The following CCDC172 variants were observed in gnomAD, a reference collection of about 807,000 sequenced individuals.
The protein encoded by CCDC172 is coiled-coil domain containing 172.
In CCDC172, 30 loss-of-function variants were observed where a neutral mutation model predicts 38.0. The ratio of observed to expected loss-of-function variants is 0.79; its 90% CI spans 0.59 to 1.07. The LOEUF is 1.07. Ranked by LOEUF, CCDC172 falls within the 50% of genes least tolerant of loss-of-function variation. CCDC172 has a pLI of 0.00. For missense variants in CCDC172, 297 were observed against 290.1 expected (o/e 1.02, Z -0.17); for synonymous variants, 78 against 88.3 (o/e 0.88, Z 0.66).
At chr10:116,356,503 A>G (rs1844999095) in intron 5 of CCDC172, among the ~76,000 whole-genome samples, 1 of 152,168 alleles carries the variant, frequency 6.6e-6, no homozygotes, top group African/African-American at 2.4e-5. Context: ...AACTTAAAAA[A>G]TGGAAACACA....
intron 5 of CCDC172, among the ~76,000 whole-genome samples, chr10:116,344,341 C>T (rs1844837506): frequency 1.3e-5 from 2 of 152,162 alleles, no homozygotes; most frequent in Admixed American, 6.5e-5. Flanking sequence ...ATGGTATAGC[C>T]TATTGCTCCT....
intron 7 of CCDC172, among the ~76,000 whole-genome samples, chr10:116,375,689 A>G (rs1845236191): frequency 6.6e-6 from 1 of 152,200 alleles, no homozygotes; most frequent in South Asian, 2.1e-4. Context: ...CAAGAAAAAA[A>G]CAAACAGCCC....
At chr10:116,376,056 T>C (rs1166793311) in intron 7 of CCDC172, among the ~76,000 whole-genome samples, 5 of 152,196 alleles carry the variant, frequency 3.3e-5, no homozygotes, top group African/African-American at 9.6e-5. Context: ...ATCATTCTGC[T>C]CTAAAGACAC....
intron 5 of CCDC172, among the ~76,000 whole-genome samples, chr10:116,353,258 C>T (rs1844955095): frequency 6.6e-6 from 1 of 151,858 alleles, no homozygotes; most frequent in Admixed American, 6.6e-5. Context: ...CAAAATGGAT[C>T]AGACAGCTAA....
intron 7 of CCDC172, among the ~76,000 whole-genome samples, chr10:116,370,596 A>C (rs765192678): frequency 6.6e-6 from 1 of 151,404 alleles, no homozygotes; most frequent in Non-Finnish European, 1.5e-5. Flanking sequence ...GCAGTGTTTT[A>C]ATTATAAAAG....
intron 5 of CCDC172, among the ~76,000 whole-genome samples, chr10:116,345,981 G>A (rs898153855): frequency 1.3e-5 from 2 of 152,076 alleles, no homozygotes; most frequent in African/African-American, 4.8e-5. Context: ...ATATCCTAAC[G>A]TTTTGGCAGT....
chr10:116,336,407 A>C (rs896208522), intron 3 of CCDC172, among the ~76,000 whole-genome samples: 1 of 151,382 alleles, frequency 6.6e-6, no homozygotes, highest in Non-Finnish European at 1.5e-5. Context: ...AATCATGTAA[A>C]GCCTTATAAG....
chr10:116,329,484 G>A (rs1268704172), intron 3 of CCDC172, among the ~76,000 whole-genome samples: 3 of 152,012 alleles, frequency 2.0e-5, no homozygotes, highest in Non-Finnish European at 4.4e-5. Context: ...GAATCATGTG[G>A]GACTTTTAGT....
At chr10:116,331,273 C>T (rs1367553613) in intron 3 of CCDC172, among the ~76,000 whole-genome samples, 2 of 152,022 alleles carry the variant, frequency 1.3e-5, no homozygotes, top group African/African-American at 4.8e-5. Flanking sequence ...AAAAGAAATT[C>T]TCAATAATTT....
At chr10:116,324,912 C>T in intron 1 of CCDC172, 35 bp from the exon 2 acceptor site, 1 of 967,682 alleles carries the variant, frequency 1.0e-6, no homozygotes, top group South Asian at 1.4e-5. Flanking sequence ...GGGAATGGTT[C>T]TAGAAGAATC....
At chr10:116,378,545 C>G (rs142386782) in intron 8 of CCDC172, 35 bp downstream of exon 8, 3 of 1,531,090 alleles carry the variant, frequency 2.0e-6, no homozygotes, top group Non-Finnish European at 2.7e-6. Context: ...TTTTGTTCAG[C>G]ATTATTTTAC....
intron 7 of CCDC172, among the ~76,000 whole-genome samples, chr10:116,359,972 GT>G (rs1244046900): frequency 2.0e-5 from 3 of 152,158 alleles, no homozygotes; most frequent in Admixed American, 6.5e-5. Flanking sequence ...TTTAGGTAAA[GT>G]TTGCATTCAC....
intron 7 of CCDC172, among the ~76,000 whole-genome samples, chr10:116,360,164 A>T (rs1294431141): frequency 2.0e-5 from 3 of 152,226 alleles, no homozygotes; most frequent in Admixed American, 6.5e-5. Flanking sequence ...CTTAAACCAT[A>T]GGTTAGGTTA....
chr10:116,376,932 A>G (rs149845794), intron 7 of CCDC172, among the ~76,000 whole-genome samples: 9 of 152,276 alleles, frequency 5.9e-5, no homozygotes, highest in African/African-American at 2.2e-4. Context: ...TTTAATGAAA[A>G]TAGCCCTTAT....
rs112621853 is a variant in CCDC172, at chr10:116,350,958, C to T, written c.449-6422C>T. ...AAACAAGTAGGAAAAAAAGTTATCACCACAAACACAGTGTTTACTTTTTTC... is the reference window on the plus strand; with the variant it reads ...AAACAAGTAGGAAAAAAAGTTATCATCACAAACACAGTGTTTACTTTTTTC... On this transcript the variant is annotated intron_variant, in intron 5 of 8. Coordinates refer to ENST00000333254, the MANE Select transcript of CCDC172 (RefSeq NM_198515.3). Among the ~76,000 whole-genome samples, 1,190 of 152,192 alleles carry T rather than the reference C, an allele frequency of 7.8e-3. 5 individuals carry two copies. Among genetic ancestry groups the T allele is most frequent in the Non-Finnish European group, 0.012 (848 of 67,978 alleles).
In CCDC172 at chr10:116,331,615, A is replaced by G. The variant is rs142939881; in HGVS notation, c.165+6227A>G. Among the ~76,000 whole-genome samples, 26 of 151,984 alleles carry G rather than the reference A, an allele frequency of 1.7e-4. No homozygotes were observed. In the East Asian group the frequency reaches 2.7e-3, roughly 16 times the overall value. The stretch of plus-strand genomic sequence containing the variant: ...TTTTTCTCATAGAATCCTGTTTTCT[A>G]TTTTCCTCTGCCTTGAATTCTACTT... On this transcript the variant is annotated intron_variant, in intron 3 of 8. Coordinates refer to ENST00000333254, the MANE Select transcript of CCDC172 (RefSeq NM_198515.3).
intron 7 of CCDC172, among the ~76,000 whole-genome samples, chr10:116,376,672 T>G (rs192966927): frequency 3.3e-5 from 5 of 152,302 alleles, no homozygotes; most frequent in African/African-American, 1.2e-4. Context: ...TTAAGGTTAT[T>G]CTTTCTATTG....
At chr10:116,356,492 T>C (rs1484134807) in intron 5 of CCDC172, among the ~76,000 whole-genome samples, 1 of 151,676 alleles carries the variant, frequency 6.6e-6, no homozygotes, top group East Asian at 1.9e-4. Context: ...AATTTAGAGA[T>C]AACTTAAAAA....
chr10:116,358,555 T>C (rs1845028452), intron 7 of CCDC172, among the ~76,000 whole-genome samples: 1 of 152,154 alleles, frequency 6.6e-6, no homozygotes. Context: ...CTAGGTTTCA[T>C]ATAAGAAAAG....
Sources: allele counts gnomAD v4.1 joint callset (sites outside exome capture counted in the v4.1 genomes callset), GRCh38; gene constraint gnomAD v4.1.1; transcripts MANE v1.5; gene names NCBI Gene and HGNC (gene_info 2026-07-23, HGNC 2026-07-21).